Variants in EYS observed in about 807,000 individuals in gnomAD.
The protein encoded by EYS is protein eyes shut homolog.
A neutral mutation model predicts 282.1 loss-of-function variants in EYS; 250 were observed. The observed-to-expected ratio is 0.89, with a 90% CI of 0.80 to 0.98. The LOEUF is 0.98. Among genes scored for constraint, EYS ranks in the 50% least tolerant of loss-of-function variants. EYS has a pLI of 0.00. For synonymous variants in EYS, 1,355 were observed against 1,282.9 expected (o/e 1.06, Z -1.20); for missense variants, 4,016 against 3,709.0 (o/e 1.08, Z -2.15).
chr6:65,483,483 G>A (rs79355583), intron 5 of EYS, among the ~76,000 whole-genome samples: 8,072 of 151,924 alleles, frequency 0.053, 590 homozygotes, highest in African/African-American at 0.16. Context: ...TGGTTGATAC[G>A]GCATTAGGAA....
At chr6:64,530,477 T>A (rs1764292653) in intron 26 of EYS, among the ~76,000 whole-genome samples, 1 of 152,040 alleles carries the variant, frequency 6.6e-6, no homozygotes, top group Non-Finnish European at 1.5e-5. Context: ...TTTCCAGAAA[T>A]AATAAAATTA....
At chr6:63,842,616 A>T (rs1771991097) in intron 36 of EYS, among the ~76,000 whole-genome samples, 1 of 151,984 alleles carries the variant, frequency 6.6e-6, no homozygotes, top group Non-Finnish European at 1.5e-5. Context: ...GTTTAATTAG[A>T]TCCCATTTAT....
rs112037379 is a variant in EYS, at chr6:65,185,251, T to A, written c.2023+110612A>T. On this transcript the variant is annotated intron_variant, in intron 12 of 42. Transcript: ENST00000503581. ...GACTAGAGAGTAGAGTACACCAACTTTGTGACATCATGTCCCACCCAAACT... is the reference window on the plus strand; with the variant it reads ...GACTAGAGAGTAGAGTACACCAACTATGTGACATCATGTCCCACCCAAACT... Among the ~76,000 whole-genome samples, 715 of 151,892 alleles carry A rather than the reference T, an allele frequency of 4.7e-3. 4 individuals carry two copies. Among genetic ancestry groups the A allele is most frequent in the African/African-American group, 0.015 (633 of 41,510 alleles).
intron 22 of EYS, among the ~76,000 whole-genome samples, chr6:64,674,323 G>A (rs1769574686): frequency 6.6e-6 from 1 of 151,964 alleles, no homozygotes; most frequent in South Asian, 2.1e-4. Flanking sequence ...CTATTTCTTT[G>A]AGACTTTATT....
At chr6:65,515,002 C>T (rs1767066734) in intron 2 of EYS, among the ~76,000 whole-genome samples, 1 of 152,134 alleles carries the variant, frequency 6.6e-6, no homozygotes, top group Non-Finnish European at 1.5e-5. Context: ...AGTGAACAGG[C>T]AACCTACAAA....
intron 22 of EYS, among the ~76,000 whole-genome samples, chr6:64,802,017 C>CTTTTTTTTTTTGTTT (rs1157712956): frequency 1.7e-5 from 1 of 57,640 alleles, no homozygotes; most frequent in Non-Finnish European, 3.6e-5. Context: ...TAACAAATTT[C>CTTTTTTTTTTTGTTT]TTTTTCTTTT....
At chr6:65,407,507 G>T (rs1270338902) in intron 5 of EYS, among the ~76,000 whole-genome samples, 1 of 152,080 alleles carries the variant, frequency 6.6e-6, no homozygotes, top group Non-Finnish European at 1.5e-5. Context: ...GCCCGTCTCG[G>T]CCTCCCAAAG....
intron 22 of EYS, among the ~76,000 whole-genome samples, chr6:64,656,255 G>GTGGGT (rs1768740571): frequency 1.3e-5 from 2 of 152,168 alleles, no homozygotes; most frequent in African/African-American, 4.8e-5. Flanking sequence ...ACTTTATTGA[G>GTGGGT]TGGGTTGGTG....
intron 33 of EYS, among the ~76,000 whole-genome samples, chr6:64,019,630 C>T (rs570839950): frequency 1.3e-5 from 2 of 151,658 alleles, no homozygotes; most frequent in East Asian, 1.9e-4. Flanking sequence ...AGGCTGGTCT[C>T]GAACTCCTGA....
At chr6:65,591,496 G>A (rs1248318305) in intron 2 of EYS, among the ~76,000 whole-genome samples, 1 of 151,910 alleles carries the variant, frequency 6.6e-6, no homozygotes, top group Non-Finnish European at 1.5e-5. Flanking sequence ...CCATTTCATA[G>A]TTCTAGATAT....
chr6:63,954,865 A>G (rs1362502070), intron 35 of EYS, among the ~76,000 whole-genome samples: 1 of 151,980 alleles, frequency 6.6e-6, no homozygotes, highest in East Asian at 1.9e-4. Flanking sequence ...CGCTAGCCCA[A>G]CTCTTAGAAC....
chr6:63,877,926 G>A (rs964950288), intron 35 of EYS, among the ~76,000 whole-genome samples: 2 of 152,134 alleles, frequency 1.3e-5, no homozygotes, highest in East Asian at 1.9e-4. Context: ...TCCTCCTTTA[G>A]CTCAGAGAAG....
intron 19 of EYS, among the ~76,000 whole-genome samples, chr6:64,837,174 T>C (rs1765406351): frequency 6.7e-6 from 1 of 148,802 alleles, no homozygotes; most frequent in Non-Finnish European, 1.5e-5. Flanking sequence ...TTATGTTTTA[T>C]CTGCAATTTC....
intron 22 of EYS, among the ~76,000 whole-genome samples, chr6:64,752,170 A>G (rs1275276492): frequency 6.6e-6 from 1 of 152,110 alleles, no homozygotes; most frequent in Non-Finnish European, 1.5e-5. Flanking sequence ...AATTTTTGAA[A>G]TACCAGATAA....
chr6:65,285,815 T>C (rs1048155398), intron 12 of EYS, among the ~76,000 whole-genome samples: 2 of 151,938 alleles, frequency 1.3e-5, no homozygotes, highest in African/African-American at 4.8e-5. Flanking sequence ...AGAATGGAAT[T>C]TGACAACTAT....
At chr6:65,052,886 G>T (rs1344557145) in intron 13 of EYS, among the ~76,000 whole-genome samples, 2 of 151,560 alleles carry the variant, frequency 1.3e-5, no homozygotes, top group Non-Finnish European at 3.0e-5. Flanking sequence ...CATGGAAAAA[G>T]AATTGTATTA....
chr6:64,339,924 A>G (rs1426041877), intron 29 of EYS, among the ~76,000 whole-genome samples: 1 of 151,726 alleles, frequency 6.6e-6, no homozygotes, highest in Non-Finnish European at 1.5e-5. Flanking sequence ...GGCAAGGAAT[A>G]CACGACTACA....
intron 23 of EYS, 79 bp downstream of exon 23, chr6:64,626,042 A>G: frequency 1.2e-6 from 1 of 840,542 alleles, no homozygotes. Context: ...ATTGTATTAT[A>G]CATACATGTC....
At chr6:63,751,567 T>C (rs1408173677) in intron 41 of EYS, among the ~76,000 whole-genome samples, 4 of 152,212 alleles carry the variant, frequency 2.6e-5, no homozygotes, top group Non-Finnish European at 5.9e-5. Flanking sequence ...ATTTGAAGTG[T>C]TACGACTTTA....
Sources: gnomAD v4.1 joint callset for allele counts (sites outside exome capture counted in the v4.1 genomes callset) on GRCh38, gnomAD v4.1.1 for gene constraint, MANE v1.5 for transcripts, NCBI Gene and HGNC (gene_info 2026-07-23, HGNC 2026-07-21) for gene names.